The following ROBO2 variants were observed in gnomAD, a reference collection of about 807,000 sequenced individuals.
The protein encoded by ROBO2 is roundabout guidance receptor 2.
In ROBO2, 53 loss-of-function variants were observed where a neutral mutation model predicts 160.8. The observed-to-expected ratio is 0.33, with a 90% CI of 0.26 to 0.41. The LOEUF (loss-of-function observed/expected upper bound fraction) is 0.41, where lower values mean the gene tolerates loss of function less well. ROBO2 is among the 10% of genes least tolerant of loss of function. The pLI, the probability that ROBO2 is intolerant of heterozygous loss-of-function variation, is 1.00. For missense variants in ROBO2, 1,577 were observed against 1,722.4 expected, an observed-to-expected ratio of 0.92 and a Z score of 1.49; for synonymous variants, 664 against 611.7, an observed-to-expected ratio of 1.09 and a Z score of -1.26.
intron 2 of ROBO2, among the ~76,000 whole-genome samples, chr3:77,390,937 C>T (rs2074660539): frequency 6.6e-6 from 1 of 151,986 alleles, no homozygotes; most frequent in Non-Finnish European, 1.5e-5. Context: ...AAAGTTTTCC[C>T]TCCCTTCCCT....
At chr3:77,410,584 C>G (rs2076655615) in intron 2 of ROBO2, among the ~76,000 whole-genome samples, 1 of 147,330 alleles carries the variant, frequency 6.8e-6, no homozygotes, top group Non-Finnish European at 1.5e-5. Flanking sequence ...TCCTCTTCCT[C>G]CTCCTCCTCT....
chr3:77,204,605 A>G (rs1407832175), intron 2 of ROBO2, among the ~76,000 whole-genome samples: 1 of 152,190 alleles, frequency 6.6e-6, no homozygotes, highest in African/African-American at 2.4e-5. Context: ...TTTCTAATAA[A>G]CATAGAAAAA....
At chr3:76,883,987 T>G (rs1178483699) in intron 2 of ROBO2, among the ~76,000 whole-genome samples, 1 of 152,216 alleles carries the variant, frequency 6.6e-6, no homozygotes, top group Non-Finnish European at 1.5e-5. Context: ...ATATGTAGCA[T>G]ATTCACAATA....
At chr3:77,253,193 C>A (rs1033664061) in intron 2 of ROBO2, among the ~76,000 whole-genome samples, 3 of 151,994 alleles carry the variant, frequency 2.0e-5, no homozygotes, top group African/African-American at 7.2e-5. Context: ...ATGGTTTCAA[C>A]GTGCAAATTT....
At chr3:77,441,443 A>C (rs2079909556) in intron 2 of ROBO2, among the ~76,000 whole-genome samples, 1 of 152,164 alleles carries the variant, frequency 6.6e-6, no homozygotes, top group Non-Finnish European at 1.5e-5. Context: ...CACAAGAAAA[A>C]TGATAACAGT....
At chr3:76,858,147 C>T (rs2070340999) in intron 2 of ROBO2, among the ~76,000 whole-genome samples, 1 of 152,152 alleles carries the variant, frequency 6.6e-6, no homozygotes, top group Admixed American at 6.5e-5. Flanking sequence ...ACACTCCCAG[C>T]ATAGCACTCA....
At chr3:76,248,319 T>G (rs1389606832) in intron 2 of ROBO2, among the ~76,000 whole-genome samples, 3 of 151,844 alleles carry the variant, frequency 2.0e-5, no homozygotes, top group Non-Finnish European at 2.9e-5. Flanking sequence ...CCATAAAAAA[T>G]GATGAGTTCA....
chr3:77,639,053 C>T (rs2095310067), intron 24 of ROBO2, among the ~76,000 whole-genome samples: 1 of 151,908 alleles, frequency 6.6e-6, no homozygotes, highest in Non-Finnish European at 1.5e-5. Flanking sequence ...TAGTCTTGAA[C>T]TTCTGACCTG....
intron 2 of ROBO2, among the ~76,000 whole-genome samples, chr3:77,346,471 T>C (rs970549427): frequency 6.8e-6 from 1 of 147,190 alleles, no homozygotes; most frequent in Non-Finnish European, 1.5e-5. Flanking sequence ...TTTGTTTTAG[T>C]AAACTATCAC....
At chr3:76,573,610 G>A (rs1377579453) in intron 2 of ROBO2, among the ~76,000 whole-genome samples, 1 of 148,932 alleles carries the variant, frequency 6.7e-6, no homozygotes, top group Admixed American at 6.7e-5. Context: ...TTTCTCCACT[G>A]ACTCTATATT....
intron 2 of ROBO2, among the ~76,000 whole-genome samples, chr3:75,986,793 C>A (rs1365706868): frequency 6.6e-6 from 1 of 151,604 alleles, no homozygotes; most frequent in Non-Finnish European, 1.5e-5. Context: ...CACCATCCCA[C>A]CATCTTTTTT....
At chr3:76,604,902 G>T (rs1384196577) in intron 2 of ROBO2, among the ~76,000 whole-genome samples, 1 of 152,148 alleles carries the variant, frequency 6.6e-6, no homozygotes, top group Non-Finnish European at 1.5e-5. Flanking sequence ...TAATCAAATA[G>T]ATAGCTTTTA....
chr3:76,278,824 A>G (rs1276836255), intron 2 of ROBO2, among the ~76,000 whole-genome samples: 3 of 151,864 alleles, frequency 2.0e-5, no homozygotes, highest in African/African-American at 7.2e-5. Context: ...TATTTTGGAG[A>G]GAATGTGAAC....
intron 1 of ROBO2, among the ~76,000 whole-genome samples, chr3:75,913,280 A>G (rs1946675513): frequency 6.6e-6 from 1 of 152,186 alleles, no homozygotes; most frequent in Admixed American, 6.5e-5. Flanking sequence ...ATGACGTGGG[A>G]TAATCACCTT....
chr3:76,044,509 T>C (rs192257685), intron 2 of ROBO2, among the ~76,000 whole-genome samples: 44 of 151,710 alleles, frequency 2.9e-4, no homozygotes, highest in Admixed American at 1.4e-3. Context: ...AGTCAAACTT[T>C]GTAGGGAGAA....
chr3:76,034,802 CT>C (rs1417325891), intron 2 of ROBO2, among the ~76,000 whole-genome samples: 8 of 152,096 alleles, frequency 5.3e-5, no homozygotes. Flanking sequence ...CTGGTTCCAG[CT>C]ATCATTCATC....
intron 20 of ROBO2, chr3:77,603,987 T>A (rs1212361335): frequency 2.0e-5 from 3 of 152,200 alleles, no homozygotes; most frequent in Non-Finnish European, 4.4e-5. Flanking sequence ...TTATGGCATG[T>A]CACAGGCTAC....
intron 2 of ROBO2, among the ~76,000 whole-genome samples, chr3:77,180,167 G>A (rs1488508461): frequency 1.3e-5 from 2 of 151,934 alleles, no homozygotes; most frequent in Admixed American, 1.3e-4. Flanking sequence ...ACACTTGTAA[G>A]TGGTATATGG....
chr3:77,118,327 G>T (rs192804754), intron 2 of ROBO2, among the ~76,000 whole-genome samples: 1 of 152,210 alleles, frequency 6.6e-6, no homozygotes, highest in East Asian at 1.9e-4. Flanking sequence ...GTTCAAAAAA[G>T]ACACAATTTA....
Sources: allele counts gnomAD v4.1 joint callset (sites outside exome capture counted in the v4.1 genomes callset), GRCh38; gene constraint gnomAD v4.1.1; transcripts MANE v1.5; gene names NCBI Gene and HGNC (gene_info 2026-07-23, HGNC 2026-07-21).